The following ZMIZ1 variants were observed in gnomAD, a reference collection of about 807,000 sequenced individuals.
The protein encoded by ZMIZ1 is zinc finger MIZ domain-containing protein 1.
ZMIZ1 carries 17 observed loss-of-function variants against 113.9 expected under a neutral mutation model. The ratio of observed to expected loss-of-function variants is 0.15; its 90% confidence interval spans 0.10 to 0.22. The LOEUF (loss-of-function observed/expected upper bound fraction) is 0.22. ZMIZ1 is among the 10% of genes least tolerant of loss of function. The probability of loss-of-function intolerance (pLI) is 1.00; values close to 1 mark genes in which losing one functional copy is unlikely to be tolerated. For synonymous variants in ZMIZ1, 607 were observed against 603.1 expected (o/e 1.01, Z -0.09); for missense variants, 1,059 against 1,477.8 (o/e 0.72, Z 4.65).
At chr10:79,131,697 C>G (rs1223620036) in intron 2 of ZMIZ1, among the ~76,000 whole-genome samples, 2 of 152,130 alleles carry the variant, frequency 1.3e-5, no homozygotes, top group East Asian at 1.9e-4. Context: ...ACCTCCACCC[C>G]ACACTCTGCT....
intron 8 of ZMIZ1, among the ~76,000 whole-genome samples, chr10:79,289,410 C>T (rs1853313199): frequency 6.6e-6 from 1 of 152,192 alleles, no homozygotes; most frequent in African/African-American, 2.4e-5. Flanking sequence ...AGCCCAGGCT[C>T]TTCCTAAAGG....
At chr10:79,258,115 C>T (rs1851035639) in intron 7 of ZMIZ1, among the ~76,000 whole-genome samples, 1 of 152,196 alleles carries the variant, frequency 6.6e-6, no homozygotes, top group Non-Finnish European at 1.5e-5. Flanking sequence ...GGCACGGTGG[C>T]TCATGCCTGA....
chr10:79,240,568 C>A (rs1032043794), intron 7 of ZMIZ1, among the ~76,000 whole-genome samples: 1 of 149,716 alleles, frequency 6.7e-6, no homozygotes, highest in Non-Finnish European at 1.5e-5. Flanking sequence ...GCCTCCCGTG[C>A]AGTCTGGTGA....
chr10:79,234,252 A>C (rs1849507044), intron 7 of ZMIZ1, among the ~76,000 whole-genome samples: 1 of 152,110 alleles, frequency 6.6e-6, no homozygotes, highest in South Asian at 2.1e-4. Context: ...CTGGGGTGGA[A>C]GTGTGCCGTG....
intron 5 of ZMIZ1, among the ~76,000 whole-genome samples, chr10:79,204,912 T>C (rs918586399): frequency 6.6e-5 from 10 of 152,060 alleles, no homozygotes; most frequent in African/African-American, 1.9e-4. Context: ...GTGGATAAAG[T>C]GGTGAATGGA....
At chr10:79,168,770 A>C (rs1846473541) in intron 4 of ZMIZ1, among the ~76,000 whole-genome samples, 1 of 152,186 alleles carries the variant, frequency 6.6e-6, no homozygotes, top group Non-Finnish European at 1.5e-5. Flanking sequence ...GGCTGTGGCC[A>C]GTGCAGGAGG....
At chr10:79,258,667 G>A (rs535081362) in intron 7 of ZMIZ1, among the ~76,000 whole-genome samples, 1 of 152,354 alleles carries the variant, frequency 6.6e-6, no homozygotes, top group East Asian at 1.9e-4. Flanking sequence ...GTGCCCATCA[G>A]TGCAACATAG....
At chr10:79,146,774 G>A (rs1845503589) in intron 3 of ZMIZ1, among the ~76,000 whole-genome samples, 6 of 152,176 alleles carry the variant, frequency 3.9e-5, no homozygotes, top group Admixed American at 3.9e-4. Flanking sequence ...CGACTCTGCT[G>A]GGCTTCCCAC....
intron 4 of ZMIZ1, among the ~76,000 whole-genome samples, chr10:79,197,032 A>G (rs946820552): frequency 6.6e-6 from 1 of 152,194 alleles, no homozygotes; most frequent in African/African-American, 2.4e-5. Context: ...AGGTTTGTCA[A>G]CAGCGCCCCC....
intron 23 of ZMIZ1, among the ~76,000 whole-genome samples, chr10:79,309,160 G>T (rs1854936550): frequency 6.6e-6 from 1 of 152,246 alleles, no homozygotes; most frequent in Non-Finnish European, 1.5e-5. Context: ...GCAGAGACTG[G>T]CCAGAGCGCT....
rs1197549839 is a variant in ZMIZ1 at position 79,118,541 on chromosome 10, AAGAC to A, written c.-336-370_-336-367del. On this transcript the variant is annotated intron_variant, in intron 1 of 24. Transcript: ENST00000334512. This position sits in a 1 kb window ranked among gnomAD's most constrained non-coding sequence, Gnocchi z 4.1. ...AGTCTCAAAGGCCAGGGGCCCTTGA[AAGAC>A]AGAGAAGTGGGGAGAAGAGCTCTGA... 1.3e-5 allele frequency among the ~76,000 whole-genome samples: 2 copies of A among 152,180 alleles called. No homozygotes were observed. Among genetic ancestry groups the A allele is most frequent in the Non-Finnish European group, 1.5e-5 (1 of 68,010 alleles).
At position 79,293,396 on chromosome 10, in the gene ZMIZ1, G is replaced by T. The variant is rs373449711; in HGVS notation, c.973G>T (p.Ala325Ser). The T allele has an allele frequency of 1.1e-5, 16 of 1,516,408 alleles. No homozygotes were observed. The highest frequency in any genetic ancestry group is 6.8e-5 in the East Asian group (3 of 44,004). The allele number at this position is 1,516,408 out of a possible 1,614,324, so 93.9% of individuals were successfully genotyped here. Reference protein sequence around the residue: ...NQYGPMGPTQAYNSQFMNQPG... With the variant: ...NQYGPMGPTQSYNSQFMNQPG... ...CTCTTTCCAGATGGGTCCCACCCAG[G>T]CGTATAACAGCCAATTCATGAACCA... is the stretch of plus-strand genomic sequence containing the variant. The change falls in exon 12 of 25, where the codon GCG becomes TCG. Residue 325 changes from alanine to serine, a missense_variant. Ala to Ser is a moderately conservative substitution (Grantham distance 99). This residue lies in a region of ZMIZ1 where 83 missense variants were observed against 103.7 expected (regional missense o/e 0.80). Coordinates refer to ENST00000334512, the MANE Select transcript of ZMIZ1 (RefSeq NM_020338.4).
intron 3 of ZMIZ1, 21 bp downstream of exon 3, chr10:79,139,798 C>T: frequency 5.0e-6 from 2 of 398,716 alleles, no homozygotes; most frequent in East Asian, 7.1e-5. Flanking sequence ...CCCCCGATGC[C>T]CAGGCCATAC....
chr10:79,208,196 C>A (rs973493560), intron 5 of ZMIZ1, 140 bp from the exon 6 acceptor site: 2 of 646,236 alleles, frequency 3.1e-6, no homozygotes, highest in Non-Finnish European at 5.4e-6. Flanking sequence ...AGGAAACTTA[C>A]TGATCCCAGC....
At chr10:79,244,772 A>T (rs1850088166) in intron 7 of ZMIZ1, among the ~76,000 whole-genome samples, 1 of 152,216 alleles carries the variant, frequency 6.6e-6, no homozygotes, top group Non-Finnish European at 1.5e-5. Flanking sequence ...AGAGTCAGAA[A>T]TCTGGCTGAG....
intron 8 of ZMIZ1, among the ~76,000 whole-genome samples, chr10:79,287,466 A>C (rs1853159057): frequency 1.3e-5 from 2 of 152,282 alleles, no homozygotes; most frequent in Admixed American, 1.3e-4. Context: ...AATCACGAGC[A>C]GCGCTCAGTT....
intron 1 of ZMIZ1, among the ~76,000 whole-genome samples, chr10:79,105,965 G>C (rs1843539805): frequency 6.6e-6 from 1 of 152,160 alleles, no homozygotes; most frequent in African/African-American, 2.4e-5. Context: ...GGGGTTGCTG[G>C]AGGGACGTTC....
intron 1 of ZMIZ1, among the ~76,000 whole-genome samples, chr10:79,078,937 G>A (rs1842570620): frequency 6.6e-6 from 1 of 152,088 alleles, no homozygotes; most frequent in South Asian, 2.1e-4. Flanking sequence ...TTCAGCTCAG[G>A]CATTGCAGCT....
At chr10:79,271,115 A>T (rs1233642985) in intron 7 of ZMIZ1, among the ~76,000 whole-genome samples, 1 of 152,196 alleles carries the variant, frequency 6.6e-6, no homozygotes, top group Non-Finnish European at 1.5e-5. Flanking sequence ...GGCCCTGTGC[A>T]ACATGTGTGC....
Sources: gnomAD v4.1 joint callset for allele counts (sites outside exome capture counted in the v4.1 genomes callset) on GRCh38, gnomAD v4.1.1 for gene constraint, gnomAD v4.1.1 regional missense constraint, Gnocchi (gnomAD v3.1) non-coding constraint, MANE v1.5 for transcripts, NCBI Gene and HGNC (gene_info 2026-07-23, HGNC 2026-07-21) for gene names.